Variants in ZNF454 observed in about 807,000 individuals in gnomAD.
ZNF454 encodes zinc finger protein 454.
Under a neutral mutation model 48.2 loss-of-function variants are expected in ZNF454, and 30 were observed. The observed-to-expected ratio is 0.62, with a 90% CI of 0.47 to 0.84. The LOEUF (loss-of-function observed/expected upper bound fraction) is 0.84. ZNF454 is among the 40% of genes least tolerant of loss of function. ZNF454 has a pLI of 0.00. For synonymous variants in ZNF454, 204 were observed against 211.4 expected (o/e 0.97, Z 0.30); for missense variants, 510 against 623.1 (o/e 0.82, Z 1.93).
downstream of ZNF454, chr5:178,968,673 T>G (rs1760199918): frequency 9.4e-6 from 4 of 424,524 alleles, no homozygotes; most frequent in South Asian, 6.7e-5. Context: ...CTGCTACAGA[T>G]GTCTGTCTTC....
chr5:178,986,540 G>A, the ZNF454 span: 518 of 1,607,752 alleles, frequency 3.2e-4, 2 homozygotes, highest in South Asian at 1.2e-3. Flanking sequence ...GGTGTGGGGC[G>A]GCAGCCCGTG....
Position 178,941,241 on chromosome 5 carries a change from T to C in ZNF454, c.-311T>C. 2.6e-6 allele frequency: 1 copy of C among 391,568 alleles called. No individual in the cohort carries two copies. The highest frequency in any genetic ancestry group is 1.9e-5 in the South Asian group (1 of 53,606). The allele number at this position is 391,568 out of a possible 1,614,324, so 24.3% of individuals were successfully genotyped here. A position where few individuals can be genotyped will look rare whatever the true frequency, so the allele number is the denominator to read the frequency against. ...CCAGCTCATTGTGTTCTGACTGCGA[T>C]GTGGCGCTTGCGATCTCTCGCCGCC... is the stretch of plus-strand genomic sequence containing the variant. On this transcript the variant is annotated 5_prime_UTR_variant, in exon 1 of 5. An upstream start codon of the reference 5' UTR is lost. Transcript: ENST00000519564. This position sits in a 1 kb window ranked among gnomAD's most constrained non-coding sequence, Gnocchi z 5.5.
chr5:178,987,598 C>T, the ZNF454 span: 3 of 375,834 alleles, frequency 8.0e-6, no homozygotes, highest in Admixed American at 3.2e-5. Context: ...CAGGAGGTAC[C>T]GAGGGTAGAC....
intron 4 of ZNF454, among the ~76,000 whole-genome samples, chr5:178,957,909 C>T (rs1170466963): frequency 6.6e-6 from 1 of 151,976 alleles, no homozygotes; most frequent in East Asian, 1.9e-4. Context: ...TTTAAAAAGT[C>T]AAATAATTAC....
At chr5:178,989,020 G>A in the ZNF454 span, 3 of 1,613,974 alleles carry the variant, frequency 1.9e-6, no homozygotes, top group South Asian at 1.1e-5. Context: ...TGTGCCCAGG[G>A]CAGAGCGCCT....
chr5:178,985,706 A>AAAAG, the ZNF454 span: 1 of 414,136 alleles, frequency 2.4e-6, no homozygotes, highest in South Asian at 1.8e-5. Context: ...CTGTCTAAAA[A>AAAAG]AAAAAAAACA....
the ZNF454 span, chr5:178,989,235 C>CCCACCCTCACCACCCTCA: frequency 1.4e-6 from 2 of 1,435,424 alleles, no homozygotes; most frequent in African/African-American, 2.9e-5. Context: ...CCCCACCCTC[C>CCCACCCTCACCACCCTCA]CCACCCTCAC....
At position 178,948,270 on chromosome 5, in the gene ZNF454, AC is replaced by A. The variant is rs374654945; in HGVS notation, c.250+1287del. ...GTTGTCAACAAACAATTTTTAATAT[AC>A]CCAATAATATTCTGAATAGTCTATG... On this transcript the variant is annotated intron_variant, in intron 4 of 4. Transcript: ENST00000519564. Among the ~76,000 whole-genome samples the A allele has an allele frequency of 2.9e-4, 44 of 149,238 alleles. 1 individual carries two copies. The highest frequency in any genetic ancestry group is 1.1e-3 in the African/African-American group (42 of 38,662).
In ZNF454 at chr5:178,954,286, A is replaced by G. The variant is rs181472651; in HGVS notation, c.250+7300A>G. Among the ~76,000 whole-genome samples, 829 of 152,196 alleles carry G rather than the reference A, an allele frequency of 5.4e-3. 4 individuals are homozygous for G. Among genetic ancestry groups the G allele is most frequent in the Non-Finnish European group, 7.8e-3 (527 of 67,992 alleles). On this transcript the variant is annotated intron_variant, in intron 4 of 4. Transcript: ENST00000519564. ...GGGCAACAGAGTGAAACTGTGTCTT[A>G]AAAAAATAAAAATAAATAAGTAAAA...
Position 178,944,405 on chromosome 5 carries a change from G to C in ZNF454, c.33+1581G>C, listed in dbSNP as rs1178029486. Among the ~76,000 whole-genome samples the C allele has an allele frequency of 6.6e-6, 1 of 152,144 alleles. No homozygotes were observed. The highest frequency in any genetic ancestry group is 1.5e-5 in the Non-Finnish European group (1 of 68,022). On this transcript the variant is annotated intron_variant, in intron 2 of 4. Coordinates refer to ENST00000519564, the MANE Select transcript of ZNF454 (RefSeq NM_001178089.3). The surrounding 1 kb of genome is among the most constrained non-coding windows in gnomAD (Gnocchi z 4.1). ...CATACAATTTATCTTGTGTTTATAG[G>C]CTGCCTTGATTTGGTTGCCATTCAG... is the stretch of plus-strand genomic sequence containing the variant.
the ZNF454 span, chr5:178,985,404 T>TTA: frequency 2.2e-5 from 7 of 317,056 alleles, no homozygotes; most frequent in Admixed American, 1.8e-4. Flanking sequence ...CCTGTGGCCT[T>TTA]AAAAAAAAAA....
the ZNF454 span, chr5:178,985,551 A>C: frequency 5.9e-6 from 2 of 337,206 alleles, no homozygotes; most frequent in South Asian, 2.3e-5. Flanking sequence ...AAAATACAAA[A>C]AATTAGCCGG....
At chr5:178,955,595 G>C (rs1321465925) in intron 4 of ZNF454, among the ~76,000 whole-genome samples, 1 of 152,152 alleles carries the variant, frequency 6.6e-6, no homozygotes, top group Admixed American at 6.6e-5. Context: ...TTTTGTTAAA[G>C]AGTTTGCATT....
chr5:178,962,255 T>G (rs1218548157), intron 4 of ZNF454, among the ~76,000 whole-genome samples: 3 of 151,816 alleles, frequency 2.0e-5, no homozygotes, highest in Non-Finnish European at 4.4e-5. Flanking sequence ...GTTTTGCTTT[T>G]TCAAAGGTAG....
At chr5:178,964,211 C>G (rs1338518349) in intron 4 of ZNF454, among the ~76,000 whole-genome samples, 1 of 151,594 alleles carries the variant, frequency 6.6e-6, no homozygotes, top group Admixed American at 6.6e-5. Flanking sequence ...AGCTCCGCCT[C>G]CCGGGTTCAC....
downstream of ZNF454, chr5:178,969,677 C>A (rs80218376): frequency 3.2e-3 from 1,442 of 456,546 alleles, 22 homozygotes; most frequent in African/African-American, 0.026. Flanking sequence ...CGCCCCTCAC[C>A]TGGGCCATAG....
rs1439674498 is a variant in ZNF454, at chr5:178,946,489, A to G, written c.160+4A>G. 1 of 1,589,844 alleles carries G rather than the reference A, an allele frequency of 6.3e-7. No individual in the cohort carries two copies. On this transcript the variant is annotated splice_donor_region_variant and intron_variant, in intron 3 of 4. Transcript: ENST00000519564. The surrounding 1 kb of genome is among the most constrained non-coding windows in gnomAD (Gnocchi z 4.5). ...TACAGCAACCTGGTCTCACTGGGTA[A>G]GTGGGACCCCTGCAAGGTTTCTCTT... is the stretch of plus-strand genomic sequence containing the variant.
the ZNF454 span, chr5:178,989,364 G>A: frequency 3.2e-5 from 51 of 1,613,664 alleles, no homozygotes; most frequent in Non-Finnish European, 3.9e-5. Context: ...ATGTTCCTGC[G>A]GTTGTTCTCC....
At chr5:178,981,891 C>T in the ZNF454 span, 32 of 1,213,900 alleles carry the variant, frequency 2.6e-5, no homozygotes, top group Middle Eastern at 1.9e-4. The surrounding 1 kb of genome is among the most constrained non-coding windows in gnomAD (Gnocchi z 5.1). Flanking sequence ...GGGACTCAGC[C>T]CTGCTCTCCC....
Sources: gnomAD v4.1 joint callset for allele counts (sites outside exome capture counted in the v4.1 genomes callset) on GRCh38, gnomAD v4.1.1 for gene constraint, Gnocchi (gnomAD v3.1) non-coding constraint, MANE v1.5 for transcripts, NCBI Gene and HGNC (gene_info 2026-07-23, HGNC 2026-07-21) for gene names.